Variants in DNAH7 observed in about 807,000 individuals in gnomAD.
DNAH7 encodes the protein dynein axonemal heavy chain 7.
Under a neutral mutation model 444.6 loss-of-function variants are expected in DNAH7, and 397 were observed. The observed-to-expected ratio is 0.89, with a 90% confidence interval of 0.82 to 0.97. The LOEUF (loss-of-function observed/expected upper bound fraction) is 0.97, where lower values mean the gene tolerates loss of function less well. Among genes scored for constraint, DNAH7 ranks in the 50% least tolerant of loss-of-function variants. The pLI is 0.00. For missense variants in DNAH7, 4,902 were observed against 4,800.8 expected (o/e 1.02, Z -0.62); for synonymous variants, 1,636 against 1,624.4 (o/e 1.01, Z -0.17).
intron 34 of DNAH7, 61 bp from the exon 35 acceptor site, chr2:195,884,870 A>C: frequency 7.2e-7 from 1 of 1,385,078 alleles, no homozygotes; most frequent in Non-Finnish European, 9.9e-7. Flanking sequence ...CTGTCCTTGA[A>C]GCTTACATAT....
chr2:195,749,098 C>G (rs551972031), intron 63 of DNAH7, among the ~76,000 whole-genome samples: 4,729 of 151,678 alleles, frequency 0.031, 93 homozygotes, highest in Middle Eastern at 0.055. Context: ...TGACAAAGGG[C>G]TAATATCCAG....
intron 51 of DNAH7, among the ~76,000 whole-genome samples, chr2:195,813,518 T>C (rs1318311852): frequency 6.6e-6 from 1 of 152,198 alleles, no homozygotes; most frequent in African/African-American, 2.4e-5. Context: ...GTTAAGCTTA[T>C]TTCAAGTTGC....
chr2:195,921,352 TACACACAC>T (rs140152411), intron 24 of DNAH7, among the ~76,000 whole-genome samples: 15,384 of 140,390 alleles, frequency 0.11, 1,005 homozygotes, highest in African/African-American at 0.19. Context: ...AAATGTGGTG[TACACACAC>T]ACACACACAC....
chr2:195,878,042 GA>G (rs1701159103), intron 36 of DNAH7, among the ~76,000 whole-genome samples: 1 of 152,142 alleles, frequency 6.6e-6, no homozygotes, highest in Non-Finnish European at 1.5e-5. Flanking sequence ...ATAATAGTTT[GA>G]AAACAAGTTA....
At chr2:195,772,785 T>TG (rs2105942343) in intron 60 of DNAH7, among the ~76,000 whole-genome samples, 1 of 150,868 alleles carries the variant, frequency 6.6e-6, no homozygotes, top group African/African-American at 2.4e-5. Flanking sequence ...CTGTGACTTT[T>TG]TTTTTTTTTT....
At chr2:196,024,381 C>T in intron 8 of DNAH7, 48 bp downstream of exon 8, 2 of 1,253,618 alleles carry the variant, frequency 1.6e-6, no homozygotes, top group Non-Finnish European at 2.2e-6. Flanking sequence ...TAAACATATA[C>T]AGAAATGGTC....
intron 6 of DNAH7, among the ~76,000 whole-genome samples, chr2:196,027,452 T>C (rs1273259913): frequency 2.6e-5 from 4 of 151,856 alleles, no homozygotes; most frequent in Non-Finnish European, 2.9e-5. Context: ...CAAGTTATTA[T>C]TTCTATAATA....
chr2:196,000,808 G>T lies in DNAH7; in HGVS notation c.1249C>A (p.Pro417Thr). ...ILDNDTIKFE[P>T]ELSDYIDIFL... ...ATATCTATATAGTCACTCAACTCAG[G>T]TTCAAACTTAATGGTGTCATTATCA... Residue 417 changes from proline to threonine, a missense_variant, in exon 12 of 65, where the codon CCT becomes ACT. Physicochemically the swap from Pro to Thr is conservative, Grantham distance 38. Coordinates refer to ENST00000312428, the MANE Select transcript of DNAH7 (RefSeq NM_018897.3). 1 of 1,608,688 alleles carries T rather than the reference G, an allele frequency of 6.2e-7. No homozygotes were observed. The highest frequency in any genetic ancestry group is 8.5e-7 in the Non-Finnish European group (1 of 1,177,026).
chr2:195,943,380 T>C (rs1276425344), intron 19 of DNAH7, among the ~76,000 whole-genome samples: 1 of 152,156 alleles, frequency 6.6e-6, no homozygotes, highest in Non-Finnish European at 1.5e-5. Flanking sequence ...TTCCTTAGCA[T>C]ATGCAATGTT....
At chr2:195,787,950 G>A (rs1695707560) in intron 57 of DNAH7, among the ~76,000 whole-genome samples, 1 of 152,174 alleles carries the variant, frequency 6.6e-6, no homozygotes, top group South Asian at 2.1e-4. Context: ...CACGGGGTGA[G>A]GAAACCCCAA....
chr2:195,933,051 G>T (rs566922126), intron 21 of DNAH7, among the ~76,000 whole-genome samples: 7 of 152,216 alleles, frequency 4.6e-5, no homozygotes, highest in African/African-American at 1.4e-4. Flanking sequence ...TCTGGTCCTG[G>T]ACTTTTTTTG....
chr2:195,968,050 C>A (rs1236056391), intron 17 of DNAH7, among the ~76,000 whole-genome samples: 1 of 152,224 alleles, frequency 6.6e-6, no homozygotes, highest in Admixed American at 6.5e-5. Context: ...AAGGCCCAAG[C>A]ACTCTTCAGT....
At chr2:195,760,691 G>T (rs1007205151) in intron 61 of DNAH7, among the ~76,000 whole-genome samples, 1 of 152,174 alleles carries the variant, frequency 6.6e-6, no homozygotes, top group Non-Finnish European at 1.5e-5. Flanking sequence ...GTATCTCTAT[G>T]AGTCTGAAAG....
Position 195,857,494 on chromosome 2 carries a change from T to TAAGAAAAATTCC in DNAH7, c.8296_8297insGGAATTTTTCTT (p.Asn2766delinsArgAsnPheSerTyr), listed in dbSNP as rs751253295. 3.1e-6 allele frequency: 5 copies of TAAGAAAAATTCC among 1,613,642 alleles called. No homozygotes were observed. Among genetic ancestry groups the TAAGAAAAATTCC allele is most frequent in the Non-Finnish European group, 4.2e-6 (5 of 1,179,854 alleles). On this transcript the variant is annotated protein_altering_variant, in exon 44 of 65. Transcript: ENST00000312428. ...TGGAATATAATTTTTTCTTATGATA[T>TAAGAAAAATTCC]TCATATAAGCTGGAGGAATATTGTC... is the stretch of plus-strand genomic sequence containing the variant.
intron 19 of DNAH7, among the ~76,000 whole-genome samples, chr2:195,943,036 G>A (rs1484820402): frequency 6.6e-6 from 1 of 152,126 alleles, no homozygotes; most frequent in Admixed American, 6.6e-5. Context: ...TAAGTCTCAT[G>A]AGATCTGATG....
intron 5 of DNAH7, among the ~76,000 whole-genome samples, chr2:196,044,299 G>C (rs1407942971): frequency 1.3e-5 from 2 of 151,856 alleles, no homozygotes; most frequent in Admixed American, 6.6e-5. Flanking sequence ...CAGCAACGTG[G>C]ATGGAGTTGG....
At chr2:196,016,278 T>G (rs893887307) in intron 9 of DNAH7, among the ~76,000 whole-genome samples, 1 of 152,118 alleles carries the variant, frequency 6.6e-6, no homozygotes, top group African/African-American at 2.4e-5. Context: ...GAAAATGAAA[T>G]GTACTAATTT....
intron 7 of DNAH7, among the ~76,000 whole-genome samples, chr2:196,024,766 C>T (rs1425904493): frequency 1.3e-5 from 2 of 151,610 alleles, no homozygotes; most frequent in Non-Finnish European, 2.9e-5. Context: ...GGAATAATTG[C>T]TCTTAATATT....
At chr2:195,872,534 G>A in intron 39 of DNAH7, 65 bp from the exon 40 acceptor site, 1 of 1,116,132 alleles carries the variant, frequency 9.0e-7, no homozygotes, top group Non-Finnish European at 1.3e-6. Flanking sequence ...GACACAAAAA[G>A]GATATTTAGC....
Sources: allele counts gnomAD v4.1 joint callset (sites outside exome capture counted in the v4.1 genomes callset), GRCh38; gene constraint gnomAD v4.1.1; transcripts MANE v1.5; gene names NCBI Gene and HGNC (gene_info 2026-07-23, HGNC 2026-07-21).